WSCD1: variants seen among roughly 807,000 people sequenced by gnomAD.
WSCD1 encodes the protein sialate:O-sulfotransferase 1.
A neutral mutation model predicts 60.4 loss-of-function variants in WSCD1; 41 were observed. That is an observed-to-expected ratio of 0.68 (90% CI 0.53 to 0.88). The LOEUF (loss-of-function observed/expected upper bound fraction) is 0.88. Ranked by LOEUF, WSCD1 falls within the 40% of genes least tolerant of loss-of-function variation. The pLI is 0.00. For synonymous variants in WSCD1, 361 were observed against 332.5 expected, an observed-to-expected ratio of 1.09 and a Z score of -0.93; for missense variants, 784 against 796.2, an observed-to-expected ratio of 0.98 and a Z score of 0.18.
At chr17:6,093,155 A>G (rs141999451) in intron 4 of WSCD1, among the ~76,000 whole-genome samples, 76 of 152,384 alleles carry the variant, frequency 5.0e-4, no homozygotes, top group African/African-American at 1.8e-3. Flanking sequence ...CACCTGGGGA[A>G]TGAGGGAGAC....
intron 5 of WSCD1, among the ~76,000 whole-genome samples, chr17:6,109,380 A>G (rs889855719): frequency 6.6e-6 from 1 of 152,208 alleles, no homozygotes; most frequent in African/African-American, 2.4e-5. Context: ...GGCTGTGCTT[A>G]TAAGAACATG....
intron 4 of WSCD1, among the ~76,000 whole-genome samples, chr17:6,093,709 C>T (rs540805309): frequency 8.2e-4 from 125 of 152,344 alleles, no homozygotes; most frequent in Non-Finnish European, 1.5e-3. Flanking sequence ...GACATGGCCC[C>T]ATCAGGGGAT....
At chr17:6,095,893 G>A (rs1017518479) in intron 5 of WSCD1, among the ~76,000 whole-genome samples, 3 of 152,210 alleles carry the variant, frequency 2.0e-5, no homozygotes, top group African/African-American at 7.2e-5. Flanking sequence ...GGTGGATGCT[G>A]TGGCTCTAGA....
rs1423368147 is a variant in WSCD1, at chr17:6,110,659, C to T, written c.1010-112C>T. On this transcript the variant is annotated intron_variant, in intron 6 of 8. Coordinates refer to ENST00000317744, the MANE Select transcript of WSCD1 (RefSeq NM_015253.2). The surrounding 1 kb of genome is among the most constrained non-coding windows in gnomAD (Gnocchi z 4.8). ...CTTCCCTTCTTTGGGCCTTGGTTCC[C>T]CCATCTATTAAATGGGAGTCTTCGT... The T allele has an allele frequency of 7.3e-7, 1 of 1,377,438 alleles. No homozygotes were observed. The highest frequency in any genetic ancestry group is 9.9e-7 in the Non-Finnish European group (1 of 1,009,464). 85.3% of individuals were successfully genotyped at this position (1,377,438 alleles called of 1,614,324 possible).
upstream of WSCD1, chr17:6,069,437 G>C (rs1326935662): frequency 2.6e-5 from 6 of 232,452 alleles, no homozygotes; most frequent in Non-Finnish European, 4.6e-5. Flanking sequence ...GTGAGAGAGA[G>C]AGAGAGAGAG....
intron 7 of WSCD1, among the ~76,000 whole-genome samples, chr17:6,115,696 G>C (rs892257612): frequency 7.9e-5 from 12 of 152,018 alleles, no homozygotes; most frequent in Non-Finnish European, 1.8e-4. Context: ...TTGGGTTCAA[G>C]CGATTCTCCT....
chr17:6,098,912 T>C (rs948070180), intron 5 of WSCD1, among the ~76,000 whole-genome samples: 3 of 152,046 alleles, frequency 2.0e-5, no homozygotes, highest in South Asian at 4.2e-4. Context: ...GAAAGGAAGA[T>C]GGTTGCAACT....
At chr17:6,069,854 G>C (rs79207984), upstream of WSCD1, among the ~76,000 whole-genome samples, 1,632 of 151,714 alleles carry the variant, frequency 0.011, 28 homozygotes, top group African/African-American at 0.038. Flanking sequence ...CTGTGTGGCT[G>C]TGTGTGTACG....
chr17:6,084,493 ATCC>A (rs1406240910), intron 2 of WSCD1, among the ~76,000 whole-genome samples: 1 of 152,160 alleles, frequency 6.6e-6, no homozygotes, highest in African/African-American at 2.4e-5. Context: ...GCAGCCCGCC[ATCC>A]TCCTGAAAGG....
At chr17:6,119,574 A>G (rs1240842995) in intron 8 of WSCD1, among the ~76,000 whole-genome samples, 4 of 152,150 alleles carry the variant, frequency 2.6e-5, no homozygotes, top group Non-Finnish European at 5.9e-5. Context: ...GCCGGCCTCT[A>G]GTCTTCCCCT....
chr17:6,107,876 C>T (rs1911185334), intron 5 of WSCD1, among the ~76,000 whole-genome samples: 1 of 152,196 alleles, frequency 6.6e-6, no homozygotes, highest in Non-Finnish European at 1.5e-5. Flanking sequence ...CCAGCTCTCG[C>T]TTTCCATAGA....
At chr17:6,093,363 G>T (rs996473108) in intron 4 of WSCD1, among the ~76,000 whole-genome samples, 1 of 152,210 alleles carries the variant, frequency 6.6e-6, no homozygotes, top group African/African-American at 2.4e-5. Flanking sequence ...ATCAGGGCTT[G>T]GTGTGGGGAA....
chr17:6,110,661 C>A lies in WSCD1; in HGVS notation c.1010-110C>A, dbSNP rs910150303. On this transcript the variant is annotated intron_variant, in intron 6 of 8. Transcript: ENST00000317744. The surrounding 1 kb of genome is among the most constrained non-coding windows in gnomAD (Gnocchi z 4.8). ...TCCCTTCTTTGGGCCTTGGTTCCCC[C>A]ATCTATTAAATGGGAGTCTTCGTTC... The A allele has an allele frequency of 7.2e-6, 10 of 1,381,922 alleles. No individual in the cohort carries two copies. The highest frequency in any genetic ancestry group is 9.9e-6 in the Non-Finnish European group (10 of 1,013,322). The allele number at this position is 1,381,922 out of a possible 1,614,324, so 85.6% of individuals were successfully genotyped here.
chr17:6,085,574 A>T (rs1472091118), intron 2 of WSCD1, among the ~76,000 whole-genome samples: 1 of 152,148 alleles, frequency 6.6e-6, no homozygotes, highest in Non-Finnish European at 1.5e-5. Flanking sequence ...GGCTGTCTCC[A>T]TCCACTTCCT....
At chr17:6,079,784 G>T (rs1304786524) in intron 1 of WSCD1, among the ~76,000 whole-genome samples, 1 of 152,182 alleles carries the variant, frequency 6.6e-6, no homozygotes, top group Non-Finnish European at 1.5e-5. Context: ...CCTGGGCTAG[G>T]TACATTTATA....
chr17:6,070,749 T>C (rs1196477117), intron 1 of WSCD1, 97 bp downstream of exon 1: 1 of 150,920 alleles, frequency 6.6e-6, no homozygotes, highest in Admixed American at 6.6e-5. Context: ...GCAGACGCGG[T>C]TGGGAGCGCG....
chr17:6,107,933 C>G (rs16955464), intron 5 of WSCD1, among the ~76,000 whole-genome samples: 15,957 of 152,138 alleles, frequency 0.1, 1,002 homozygotes, highest in African/African-American at 0.18. Context: ...GACGTACTAC[C>G]GAGGCTCAAT....
intron 1 of WSCD1, among the ~76,000 whole-genome samples, chr17:6,073,844 G>C (rs1446547950): frequency 1.3e-5 from 2 of 152,246 alleles, no homozygotes; most frequent in Non-Finnish European, 2.9e-5. Flanking sequence ...AAGACCATGT[G>C]ATATGGCTGG....
intron 1 of WSCD1, among the ~76,000 whole-genome samples, chr17:6,073,086 G>A (rs1406467929): frequency 6.6e-6 from 1 of 152,154 alleles, no homozygotes; most frequent in Admixed American, 6.5e-5. Context: ...AGTATTCTGA[G>A]GACAAGGATG....
Sources: gnomAD v4.1 joint callset for allele counts (sites outside exome capture counted in the v4.1 genomes callset) on GRCh38, gnomAD v4.1.1 for gene constraint, Gnocchi (gnomAD v3.1) non-coding constraint, MANE v1.5 for transcripts, NCBI Gene and HGNC (gene_info 2026-07-23, HGNC 2026-07-21) for gene names.